Variants in TSC22D3 observed in about 807,000 individuals in gnomAD.
TSC22D3 encodes TSC22 domain family protein 3.
TSC22D3 carries 4 observed loss-of-function variants against 11.1 expected under a neutral mutation model. The observed-to-expected ratio is 0.36, with a 90% CI of 0.18 to 0.83. TSC22D3 has a LOEUF of 0.83. TSC22D3 is among the 40% of genes least tolerant of loss of function. TSC22D3 has a pLI of 0.48. For synonymous variants in TSC22D3, 77 were observed against 70.3 expected (o/e 1.10, Z -0.48); for missense variants, 118 against 159.4 (o/e 0.74, Z 1.40).
chrX:107,722,979 A>G (rs6523973), intron 1 of TSC22D3, among the ~76,000 whole-genome samples: 1,782 of 111,233 alleles, frequency 0.016, 35 homozygotes, highest in African/African-American at 0.055. Context: ...TCTGTGGCCA[A>G]TTCAGAAGTC....
At chrX:107,775,031 A>G in intron 1 of TSC22D3, 69 bp downstream of exon 1, 1 of 1,135,087 alleles carries the variant, frequency 8.8e-7, no homozygotes, top group Non-Finnish European at 1.2e-6. Flanking sequence ...CCCTTTTGCC[A>G]GAGATGAGGG....
At chrX:107,766,762 A>G (rs1929677675) in intron 1 of TSC22D3, among the ~76,000 whole-genome samples, 1 of 110,965 alleles carries the variant, frequency 9.0e-6, no homozygotes, top group African/African-American at 3.3e-5. Flanking sequence ...CTTGCCTGAC[A>G]CTGGGGAGAG....
At chrX:107,774,797 CA>C (rs1930058748) in intron 1 of TSC22D3, 2 of 358,077 alleles carry the variant, frequency 5.6e-6, no homozygotes, top group Non-Finnish European at 9.7e-6. Flanking sequence ...GAAATGTATG[CA>C]TTTGAGGAGC....
chrX:107,735,260 A>G (rs1019850787), intron 1 of TSC22D3, among the ~76,000 whole-genome samples: 1 of 112,105 alleles, frequency 8.9e-6, no homozygotes. Context: ...CTGGGCTCTG[A>G]ATCAGGAGAA....
intron 1 of TSC22D3, chrX:107,721,816 G>A (rs1927343056): frequency 4.3e-6 from 2 of 469,286 alleles, no homozygotes; most frequent in Middle Eastern, 3.4e-4. Context: ...CCTCCACTAC[G>A]GGCCCCCTCC....
intron 1 of TSC22D3, among the ~76,000 whole-genome samples, chrX:107,747,613 T>C (rs775848175): frequency 8.8e-6 from 1 of 113,192 alleles, no homozygotes; most frequent in East Asian, 2.8e-4. Flanking sequence ...TTTCTTTACT[T>C]AGTTCATTAG....
At chrX:107,754,074 C>A (rs1335067600) in intron 1 of TSC22D3, among the ~76,000 whole-genome samples, 1 of 110,910 alleles carries the variant, frequency 9.0e-6, no homozygotes, top group Non-Finnish European at 1.9e-5. Flanking sequence ...TGCCACCACG[C>A]CTAGCTAATT....
chrX:107,761,169 G>T (rs141261820), intron 1 of TSC22D3, among the ~76,000 whole-genome samples: 1,940 of 112,484 alleles, frequency 0.017, 40 homozygotes, highest in African/African-American at 0.059. Flanking sequence ...TGCCAAGGTG[G>T]TTGTCTATTA....
chrX:107,765,268 A>G (rs1929608919), intron 1 of TSC22D3, among the ~76,000 whole-genome samples: 1 of 112,037 alleles, frequency 8.9e-6, no homozygotes, highest in Admixed American at 9.4e-5. Context: ...TCCAAGCTCC[A>G]GACCTGCAGA....
chrX:107,774,381 C>T (rs1221911885), intron 1 of TSC22D3, among the ~76,000 whole-genome samples: 2 of 110,874 alleles, frequency 1.8e-5, no homozygotes, highest in Non-Finnish European at 3.8e-5. Context: ...TTGACCGGTA[C>T]ACCAATACAC....
chrX:107,749,011 C>T (rs1928804351), intron 1 of TSC22D3, among the ~76,000 whole-genome samples: 2 of 111,403 alleles, frequency 1.8e-5, no homozygotes. Context: ...CGTCTGCTAG[C>T]AGAGGGCAGA....
chrX:107,757,951 G>A (rs1055112332), intron 1 of TSC22D3, among the ~76,000 whole-genome samples: 4 of 111,275 alleles, frequency 3.6e-5, no homozygotes, highest in Non-Finnish European at 3.8e-5. Context: ...GCTTGAGCCC[G>A]GGAGGTGGAG....
intron 1 of TSC22D3, among the ~76,000 whole-genome samples, chrX:107,763,916 CT>C (rs1387136939): frequency 8.9e-6 from 1 of 112,131 alleles, no homozygotes; most frequent in African/African-American, 3.2e-5. Flanking sequence ...CCTTTGGGAC[CT>C]GCTGGCTACT....
At chrX:107,716,067 C>A in intron 1 of TSC22D3, 117 bp from the exon 2 acceptor site, 1 of 838,842 alleles carries the variant, frequency 1.2e-6, no homozygotes, top group South Asian at 2.4e-5. Flanking sequence ...CTCCTTCTCG[C>A]CTCCCTGGCC....
At chrX:107,762,268 T>C (rs1337746839) in intron 1 of TSC22D3, among the ~76,000 whole-genome samples, 1 of 111,529 alleles carries the variant, frequency 9.0e-6, no homozygotes, top group Non-Finnish European at 1.9e-5. Flanking sequence ...ATGTAGAAGA[T>C]GGGGGGCCCC....
intron 1 of TSC22D3, among the ~76,000 whole-genome samples, chrX:107,736,878 C>T (rs190192493): frequency 4.5e-5 from 5 of 111,407 alleles, no homozygotes; most frequent in South Asian, 3.8e-4. Flanking sequence ...TTGCTGAGGG[C>T]GGTGACTATC....
In TSC22D3 at chrX:107,714,321, C is replaced by T. The variant is rs1602937678; in HGVS notation, c.*198G>A. On this transcript the variant is annotated 3_prime_UTR_variant, in exon 3 of 3. Coordinates refer to ENST00000372383, the MANE Select transcript of TSC22D3 (RefSeq NM_198057.3). ...TGTTACTAGGCCCCATGCAACTCAG[C>T]CTCCAGAGACCTGCTCTTGTCAGGG... The T allele has an allele frequency of 2.8e-5, 12 of 423,092 alleles. No individual in the cohort carries two copies. The East Asian group carries it at 4.6e-4, about 16-fold the overall frequency. The allele number at this position is 423,092 out of a possible 1,213,427, so 34.9% of individuals were successfully genotyped here.
At chrX:107,741,887 C>G (rs1052897697) in intron 1 of TSC22D3, among the ~76,000 whole-genome samples, 5 of 111,331 alleles carry the variant, frequency 4.5e-5, no homozygotes. Context: ...GACTGAGAGG[C>G]ACACACAGCT....
At chrX:107,756,384 A>C (rs139710824) in intron 1 of TSC22D3, among the ~76,000 whole-genome samples, 1,948 of 112,690 alleles carry the variant, frequency 0.017, 42 homozygotes, top group African/African-American at 0.059. Context: ...TACATGTTAA[A>C]TAAATAAATA....
Sources: gnomAD v4.1 joint callset for allele counts (sites outside exome capture counted in the v4.1 genomes callset) on GRCh38, gnomAD v4.1.1 for gene constraint, MANE v1.5 for transcripts, NCBI Gene and HGNC (gene_info 2026-07-23, HGNC 2026-07-21) for gene names.